Variants in USP32 observed in about 807,000 individuals in gnomAD.
USP32 encodes ubiquitin carboxyl-terminal hydrolase 32.
A neutral mutation model predicts 204.8 loss-of-function variants in USP32; 59 were observed. That is an observed-to-expected ratio of 0.29 (90% confidence interval 0.23 to 0.36). USP32 has a LOEUF of 0.36. USP32 is among the 10% of genes least tolerant of loss of function. The probability of loss-of-function intolerance (pLI) is 1.00; values close to 1 mark genes in which losing one functional copy is unlikely to be tolerated. For synonymous variants in USP32, 517 were observed against 678.4 expected (o/e 0.76, Z 3.70); for missense variants, 1,160 against 1,946.4 (o/e 0.60, Z 7.60).
chr17:60,294,882 C>G, intron 3 of USP32, 81 bp from the exon 4 acceptor site: 1 of 809,356 alleles, frequency 1.2e-6, no homozygotes, highest in Non-Finnish European at 2.0e-6. Flanking sequence ...AAAGACAAAG[C>G]TACAATAACT....
chr17:60,408,160 A>G (rs2089993011), intron 1 of USP32, among the ~76,000 whole-genome samples: 1 of 152,194 alleles, frequency 6.6e-6, no homozygotes, highest in Admixed American at 6.6e-5. Flanking sequence ...AAAAATTACT[A>G]TTTATACCAA....
intron 1 of USP32, among the ~76,000 whole-genome samples, chr17:60,398,826 A>AT (rs942801164): frequency 6.6e-6 from 1 of 151,924 alleles, no homozygotes; most frequent in African/African-American, 2.4e-5. Context: ...AAAAAAAAAA[A>AT]TTTAATTAGC....
intron 1 of USP32, among the ~76,000 whole-genome samples, chr17:60,378,713 G>A (rs1043004914): frequency 1.3e-5 from 2 of 152,084 alleles, no homozygotes; most frequent in African/African-American, 4.8e-5. Context: ...CTATTTACAT[G>A]AAGTATCTAG....
intron 1 of USP32, among the ~76,000 whole-genome samples, chr17:60,351,597 C>G (rs936049539): frequency 6.6e-5 from 10 of 152,028 alleles, no homozygotes; most frequent in Non-Finnish European, 1.0e-4. Flanking sequence ...CTGGCTAATT[C>G]TTGTATTTTT....
At chr17:60,358,160 T>C (rs2089130442) in intron 1 of USP32, among the ~76,000 whole-genome samples, 1 of 152,194 alleles carries the variant, frequency 6.6e-6, no homozygotes, top group Non-Finnish European at 1.5e-5. Flanking sequence ...TTATTGCAAA[T>C]ATAGAGTATT....
intron 6 of USP32, among the ~76,000 whole-genome samples, chr17:60,269,840 A>T (rs1324143725): frequency 6.6e-6 from 1 of 152,142 alleles, no homozygotes; most frequent in African/African-American, 2.4e-5. Context: ...ACTATTTTTG[A>T]AGTCAATAAA....
intron 9 of USP32, among the ~76,000 whole-genome samples, chr17:60,257,287 C>G (rs73324919): frequency 0.07 from 10,719 of 152,124 alleles, 1,333 homozygotes; most frequent in African/African-American, 0.24. Context: ...GAAAGTCCTT[C>G]GGCATGCACA....
intron 1 of USP32, among the ~76,000 whole-genome samples, chr17:60,412,364 G>T (rs1434653787): frequency 6.7e-6 from 1 of 150,210 alleles, no homozygotes; most frequent in Admixed American, 6.7e-5. Flanking sequence ...AATTGGCCGG[G>T]TATGTGATGT....
intron 10 of USP32, among the ~76,000 whole-genome samples, chr17:60,253,886 G>A (rs237967): frequency 0.2 from 30,413 of 152,026 alleles, 7,389 homozygotes; most frequent in African/African-American, 0.58. Context: ...TAAAGCCATC[G>A]ACTTGAATCT....
At chr17:60,421,423 G>A (rs1389240674) in intron 1 of USP32, 2 of 985,702 alleles carry the variant, frequency 2.0e-6, no homozygotes, top group Non-Finnish European at 2.4e-6. Flanking sequence ...CTGGGTGGCA[G>A]GGGAGGCCCG....
intron 16 of USP32, among the ~76,000 whole-genome samples, chr17:60,218,746 GCAC>G (rs999938979): frequency 2.0e-5 from 3 of 152,060 alleles, no homozygotes; most frequent in Non-Finnish European, 2.9e-5. Flanking sequence ...TGAAATTACA[GCAC>G]CACCACGCCC....
intron 1 of USP32, among the ~76,000 whole-genome samples, chr17:60,397,904 T>G (rs1231075109): frequency 6.6e-6 from 1 of 152,064 alleles, no homozygotes; most frequent in Non-Finnish European, 1.5e-5. Context: ...ATGGGGTTAA[T>G]CATTAGAGTC....
At chr17:60,329,324 T>C (rs1342407421) in intron 2 of USP32, among the ~76,000 whole-genome samples, 6 of 151,638 alleles carry the variant, frequency 4.0e-5, no homozygotes, top group Non-Finnish European at 7.4e-5. Flanking sequence ...CAGAGGGGTC[T>C]TAGGATAGGA....
intron 9 of USP32, among the ~76,000 whole-genome samples, chr17:60,264,595 G>A (rs2086538916): frequency 1.3e-5 from 2 of 150,420 alleles, no homozygotes; most frequent in Admixed American, 6.6e-5. Flanking sequence ...AGTGGCTCAC[G>A]CCTATAATCC....
At chr17:60,349,619 AT>A (rs2088890056) in intron 1 of USP32, among the ~76,000 whole-genome samples, 1 of 74,962 alleles carries the variant, frequency 1.3e-5, no homozygotes, top group Admixed American at 1.4e-4. Context: ...ATATATATAT[AT>A]ATATTATATA....
At chr17:60,180,334 CAACT>C (rs2084074686) in intron 33 of USP32, among the ~76,000 whole-genome samples, 1 of 152,254 alleles carries the variant, frequency 6.6e-6, no homozygotes, top group Admixed American at 6.5e-5. Flanking sequence ...TGCACCCAGT[CAACT>C]AACTCTTTAT....
At chr17:60,352,985 TTAGTC>T (rs2088985456) in intron 1 of USP32, among the ~76,000 whole-genome samples, 1 of 152,214 alleles carries the variant, frequency 6.6e-6, no homozygotes, top group Non-Finnish European at 1.5e-5. Context: ...CTGATGAAGA[TTAGTC>T]TAGGGGAGAA....
At chr17:60,386,596 C>T (rs1404424656) in intron 1 of USP32, among the ~76,000 whole-genome samples, 2 of 152,106 alleles carry the variant, frequency 1.3e-5, no homozygotes, top group African/African-American at 4.8e-5. Context: ...GCATCACAAT[C>T]CCAACTCTAA....
chr17:60,421,905 G>C (rs2090121885), intron 1 of USP32: 1 of 985,410 alleles, frequency 1.0e-6, no homozygotes, highest in Admixed American at 6.1e-5. Context: ...TGTGTGAAGC[G>C]GGACCGCTGC....
Sources: allele counts gnomAD v4.1 joint callset (sites outside exome capture counted in the v4.1 genomes callset), GRCh38; gene constraint gnomAD v4.1.1; transcripts MANE v1.5; gene names NCBI Gene and HGNC (gene_info 2026-07-23, HGNC 2026-07-21).